The following LRRC4C variants were observed in gnomAD, a reference collection of about 807,000 sequenced individuals.
LRRC4C encodes leucine rich repeat containing 4C.
LRRC4C carries 5 observed loss-of-function variants against 33.6 expected under a neutral mutation model. The observed-to-expected ratio is 0.15, with a 90% CI of 0.08 to 0.31. The LOEUF is 0.31. Ranked by LOEUF, LRRC4C falls within the 10% of genes least tolerant of loss-of-function variation. LRRC4C has a pLI of 1.00. For missense variants in LRRC4C, 560 were observed against 796.7 expected, an observed-to-expected ratio of 0.70 and a Z score of 3.58; for synonymous variants, 329 against 302.0, an observed-to-expected ratio of 1.09 and a Z score of -0.93.
chr11:41,232,628 T>C (rs1591012513), intron 1 of LRRC4C, among the ~76,000 whole-genome samples: 1 of 152,026 alleles, frequency 6.6e-6, no homozygotes, highest in South Asian at 2.1e-4. Flanking sequence ...TGTGAATATA[T>C]ATATGCCCTC....
At chr11:40,794,087 CCT>C (rs541741289) in intron 2 of LRRC4C, among the ~76,000 whole-genome samples, 269 of 152,110 alleles carry the variant, frequency 1.8e-3, no homozygotes, top group Non-Finnish European at 3.3e-3. Context: ...AAATAAACTT[CCT>C]GTTTCTAGAT....
chr11:40,237,731 G>C (rs1475229255), intron 5 of LRRC4C, among the ~76,000 whole-genome samples: 2 of 152,124 alleles, frequency 1.3e-5, no homozygotes, highest in Non-Finnish European at 2.9e-5. Context: ...ACCCTGATAA[G>C]TATGAAATAT....
chr11:40,159,937 A>T (rs1797753175), intron 5 of LRRC4C, among the ~76,000 whole-genome samples: 1 of 152,242 alleles, frequency 6.6e-6, no homozygotes, highest in South Asian at 2.1e-4. Context: ...TAAAACATTT[A>T]TTGAATAAAA....
chr11:41,350,078 C>T (rs1951926641), intron 1 of LRRC4C, among the ~76,000 whole-genome samples: 1 of 152,116 alleles, frequency 6.6e-6, no homozygotes, highest in Non-Finnish European at 1.5e-5. Flanking sequence ...CCACCGTACA[C>T]TTGTGAAAGA....
intron 3 of LRRC4C, among the ~76,000 whole-genome samples, chr11:40,544,935 A>G (rs1293301361): frequency 6.6e-6 from 1 of 152,038 alleles, no homozygotes; most frequent in African/African-American, 2.4e-5. Flanking sequence ...TGTACTTCCC[A>G]AACAACATAT....
intron 2 of LRRC4C, among the ~76,000 whole-genome samples, chr11:40,826,511 A>T (rs1952175902): frequency 6.6e-6 from 1 of 151,900 alleles, no homozygotes; most frequent in African/African-American, 2.4e-5. Context: ...ATTCCAAAAT[A>T]TTATTCATGA....
chr11:40,137,321 G>A (rs1020520383), intron 6 of LRRC4C, among the ~76,000 whole-genome samples: 12 of 152,098 alleles, frequency 7.9e-5, no homozygotes, highest in Non-Finnish European at 1.8e-4. Context: ...CAACATCTCT[G>A]ATTGATACCT....
intron 1 of LRRC4C, among the ~76,000 whole-genome samples, chr11:41,077,906 A>G (rs1939276456): frequency 6.6e-6 from 1 of 152,204 alleles, no homozygotes; most frequent in Admixed American, 6.5e-5. Flanking sequence ...GTACACTTCT[A>G]GAAACAGGTA....
intron 2 of LRRC4C, among the ~76,000 whole-genome samples, chr11:40,829,489 T>C (rs893039660): frequency 6.6e-6 from 1 of 152,054 alleles, no homozygotes; most frequent in East Asian, 1.9e-4. Context: ...TACATATTTG[T>C]TCTTGAATAT....
chr11:40,167,344 T>C (rs1859680347), intron 5 of LRRC4C, among the ~76,000 whole-genome samples: 1 of 152,168 alleles, frequency 6.6e-6, no homozygotes, highest in African/African-American at 2.4e-5. Flanking sequence ...ATTTGCATAG[T>C]CTCAAAATAA....
intron 2 of LRRC4C, among the ~76,000 whole-genome samples, chr11:40,893,504 C>T (rs891199683): frequency 6.6e-6 from 1 of 151,936 alleles, no homozygotes; most frequent in African/African-American, 2.4e-5. Flanking sequence ...TAAATATATA[C>T]ATTATATTTA....
At position 41,127,255 on chromosome 11, in the gene LRRC4C, G is replaced by GT. The variant is rs35456009; in HGVS notation, c.-495-193533dup. Among the ~76,000 whole-genome samples, 766 of 143,610 alleles carry GT rather than the reference G, an allele frequency of 5.3e-3. 2 individuals are homozygous for GT. Among genetic ancestry groups the GT allele is most frequent in the African/African-American group, 0.012 (484 of 39,322 alleles). The allele number at this position is 143,610 out of a possible 152,430, so 94.2% of individuals were successfully genotyped here. On this transcript the variant is annotated intron_variant, in intron 1 of 6. Coordinates refer to ENST00000528697, the MANE Select transcript of LRRC4C (RefSeq NM_001258419.2). ...AATTTTCTTTGAGAAAAAGACTAGA[G>GT]TTTTTTTTTTTTTTAATTTTAGTAT...
chr11:41,198,738 G>A (rs147232484), intron 1 of LRRC4C, among the ~76,000 whole-genome samples: 1 of 152,110 alleles, frequency 6.6e-6, no homozygotes, highest in East Asian at 1.9e-4. Context: ...TGATATATTG[G>A]TAAGAAGTGT....
At chr11:40,862,811 A>T (rs1177120714) in intron 2 of LRRC4C, among the ~76,000 whole-genome samples, 1 of 152,178 alleles carries the variant, frequency 6.6e-6, no homozygotes, top group Non-Finnish European at 1.5e-5. Flanking sequence ...AGCCACAGAA[A>T]ACTCTTCAGC....
At chr11:40,493,787 G>A (rs182886732) in intron 3 of LRRC4C, among the ~76,000 whole-genome samples, 1 of 152,198 alleles carries the variant, frequency 6.6e-6, no homozygotes, top group Admixed American at 6.5e-5. Flanking sequence ...AGTGCATTTA[G>A]GTGGAACGCG....
At chr11:40,479,347 T>C (rs1242917639) in intron 3 of LRRC4C, among the ~76,000 whole-genome samples, 1 of 152,184 alleles carries the variant, frequency 6.6e-6, no homozygotes, top group Non-Finnish European at 1.5e-5. Context: ...CTGGGTTCTC[T>C]TTTAGGAAAG....
chr11:41,440,095 T>C (rs1242607324), intron 1 of LRRC4C, among the ~76,000 whole-genome samples: 2 of 152,172 alleles, frequency 1.3e-5, no homozygotes, highest in Non-Finnish European at 2.9e-5. Flanking sequence ...TGTTTGTTTG[T>C]TTGTTTGTTT....
intron 1 of LRRC4C, among the ~76,000 whole-genome samples, chr11:41,033,619 C>T (rs1428542934): frequency 6.6e-6 from 1 of 152,030 alleles, no homozygotes; most frequent in African/African-American, 2.4e-5. Flanking sequence ...TATATCCAAA[C>T]CAATCTGGAG....
intron 3 of LRRC4C, among the ~76,000 whole-genome samples, chr11:40,364,761 T>C (rs2137202245): frequency 6.6e-6 from 1 of 152,140 alleles, no homozygotes; most frequent in Non-Finnish European, 1.5e-5. Flanking sequence ...ACCATAATTA[T>C]ATTGCATAAA....
Sources: gnomAD v4.1 joint callset for allele counts (sites outside exome capture counted in the v4.1 genomes callset) on GRCh38, gnomAD v4.1.1 for gene constraint, MANE v1.5 for transcripts, NCBI Gene and HGNC (gene_info 2026-07-23, HGNC 2026-07-21) for gene names.